RBL2: variants seen among roughly 807,000 people sequenced by gnomAD.
RBL2 encodes the protein retinoblastoma-like protein 2.
RBL2 carries 56 observed loss-of-function variants against 126.0 expected under a neutral mutation model. The observed-to-expected ratio is 0.44, with a 90% CI of 0.36 to 0.56. The LOEUF is 0.56. Among genes scored for constraint, RBL2 ranks in the 20% least tolerant of loss-of-function variants. The pLI is 0.00. For synonymous variants in RBL2, 454 were observed against 478.5 expected (o/e 0.95, Z 0.67); for missense variants, 1,229 against 1,398.2 (o/e 0.88, Z 1.93).
rs1961370071 is a variant in RBL2, at chr16:53,490,360, C to A, written c.*60C>A. The A allele has an allele frequency of 1.4e-6, 2 of 1,405,768 alleles. No homozygotes were observed. The allele number at this position is 1,405,768 out of a possible 1,614,324, so 87.1% of individuals were successfully genotyped here. ...TGTTTAGCAGCAGCCTTTAATGCAT[C>A]TAGATTATGGAGCTTTTTTCCTTAA... On this transcript the variant is annotated 3_prime_UTR_variant, in exon 22 of 22. Coordinates refer to ENST00000262133, the MANE Select transcript of RBL2 (RefSeq NM_005611.4).
intron 1 of RBL2, chr16:53,435,776 T>A (rs1331290489): frequency 7.9e-7 from 1 of 1,263,182 alleles, no homozygotes; most frequent in African/African-American, 1.5e-5. Context: ...TTTGGCTATG[T>A]GTACTGATGA....
intron 4 of RBL2, chr16:53,449,117 T>A (rs1024770256): frequency 6.6e-6 from 1 of 152,216 alleles, no homozygotes; most frequent in Non-Finnish European, 1.5e-5. Flanking sequence ...TTTTGGAGTA[T>A]ATAAACCATT....
chr16:53,445,097 T>C (rs2058049483), intron 3 of RBL2, among the ~76,000 whole-genome samples: 1 of 152,000 alleles, frequency 6.6e-6, no homozygotes, highest in Non-Finnish European at 1.5e-5. Flanking sequence ...GAGGCTGAAG[T>C]GGACAGATCA....
intron 13 of RBL2, 102 bp from the exon 14 acceptor site, chr16:53,466,956 G>T: frequency 1.3e-6 from 1 of 778,308 alleles, no homozygotes; most frequent in Non-Finnish European, 2.0e-6. Context: ...TTATTTAGAT[G>T]GAATAATTGT....
In RBL2 at chr16:53,480,970, CCAA is replaced by C. The variant is rs1156299252; in HGVS notation, c.3084+203_3084+205del. On this transcript the variant is annotated intron_variant, in intron 20 of 21. Transcript: ENST00000262133. ...GGTCAGGAGTTCAAGACCAGCCTGG[CCAA>C]CGTGGTAAAACCCAGTCTCTACTAA... The C allele has an allele frequency of 4.6e-5, 21 of 460,290 alleles. No homozygotes were observed. The East Asian group carries it at 8.0e-4, about 18-fold the overall frequency. 28.5% of individuals were successfully genotyped at this position (460,290 alleles called of 1,614,324 possible).
intron 21 of RBL2, chr16:53,489,502 CCA>C (rs1555570996): frequency 3.3e-5 from 5 of 152,100 alleles, no homozygotes; most frequent in Admixed American, 1.3e-4. Context: ...ACAGCCAGCC[CCA>C]GTCTTTCTGA....
rs1332553544 is a variant in RBL2 at position 53,470,797 on chromosome 16, A to G, written c.2578A>G (p.Ile860Val). ...RLRDLCAKLDISDELRKKIWT... is the reference protein window; with the variant it reads ...RLRDLCAKLDVSDELRKKIWT... The stretch of plus-strand genomic sequence containing the variant: ...TCGGGATCTCTGTGCCAAACTAGAT[A>G]TTTCAGATGAATTGAGGAAAAAAAT... The change falls in exon 17 of 22, where the codon ATT becomes GTT. Residue 860 changes from isoleucine to valine, a missense_variant. This residue lies in a region of RBL2 where 1,070 missense variants were observed against 1,274.3 expected (regional missense o/e 0.84). Transcript: ENST00000262133. 1 of 1,614,226 alleles carries G rather than the reference A, an allele frequency of 6.2e-7. No individual in the cohort carries two copies.
In RBL2 at chr16:53,444,328, G is replaced by A. The variant is rs190072864; in HGVS notation, c.572+1470G>A. On this transcript the variant is annotated intron_variant, in intron 3 of 21. Coordinates refer to ENST00000262133, the MANE Select transcript of RBL2 (RefSeq NM_005611.4). ...AGCACTTTGGGAGGCCAAGGCGGGTGGATCACTCTAGGTCGGGAGTTCGAG... is the reference window on the plus strand; with the variant it reads ...AGCACTTTGGGAGGCCAAGGCGGGTAGATCACTCTAGGTCGGGAGTTCGAG... 5.1e-3 allele frequency among the ~76,000 whole-genome samples: 767 copies of A among 151,506 alleles called. 4 individuals are homozygous for A. The highest frequency in any genetic ancestry group is 7.8e-3 in the Non-Finnish European group (533 of 67,902).
chr16:53,434,610 G>A lies in RBL2; in HGVS notation c.54G>A (p.Ala18=), dbSNP rs777831811. The stretch of plus-strand genomic sequence containing the variant: ...CGCCCCCGCCTCCCCCTCCGGCGGC[G>A]GCAGCCTCGGATGAGGAGGAGGAGG... ...SPPPPPPPPA[A]AASDEEEEDD... The change falls in exon 1 of 22, where the codon GCG becomes GCA. Residue 18 remains alanine (A), a synonymous_variant. Transcript: ENST00000262133. The A allele has an allele frequency of 5.8e-6, 9 of 1,550,680 alleles. No homozygotes were observed. In the East Asian group the frequency reaches 2.2e-4, roughly 37 times the overall value.
chr16:53,457,258 C>CTTTTTTTTT lies in RBL2; in HGVS notation c.1180-2182_1180-2174dup, dbSNP rs756763534. On this transcript the variant is annotated intron_variant, in intron 8 of 21. Coordinates refer to ENST00000262133, the MANE Select transcript of RBL2 (RefSeq NM_005611.4). ...GGGTCATCAGGGTGGGTACAGATAG[C>CTTTTTTTTT]TTTTTTTTTTTTTTTTTTTGAGATG... is the stretch of plus-strand genomic sequence containing the variant. Among the ~76,000 whole-genome samples the CTTTTTTTTT allele has an allele frequency of 2.4e-4, 22 of 89,930 alleles. 3 individuals carry two copies. The highest frequency in any genetic ancestry group is 1.0e-3 in the African/African-American group (17 of 16,718). 59.0% of individuals were successfully genotyped at this position (89,930 alleles called of 152,430 possible). A position where few individuals can be genotyped will look rare whatever the true frequency, so the allele number is the denominator to read the frequency against.
chr16:53,447,220 A>C lies in RBL2; in HGVS notation c.637+114A>C, dbSNP rs938466063. On this transcript the variant is annotated intron_variant, in intron 4 of 21. Coordinates refer to ENST00000262133, the MANE Select transcript of RBL2 (RefSeq NM_005611.4). ...AAAGATTTTCACTGAAAATTTTCTC[A>C]AGGGTTTTAATCCTAGATTCTTTTT... 9.4e-6 allele frequency: 5 copies of C among 534,000 alleles called. No homozygotes were observed. The Admixed American group carries it at 1.6e-4, about 17-fold the overall frequency. The allele number at this position is 534,000 out of a possible 1,614,324, so 33.1% of individuals were successfully genotyped here. A position where few individuals can be genotyped will look rare whatever the true frequency, so the allele number is the denominator to read the frequency against.
chr16:53,460,617 C>A (rs1336305183), intron 9 of RBL2, among the ~76,000 whole-genome samples: 1 of 152,066 alleles, frequency 6.6e-6, no homozygotes, highest in Admixed American at 6.6e-5. Flanking sequence ...CATTTTAAAT[C>A]TTAGGTACCA....
At chr16:53,490,042 A>G in intron 21 of RBL2, 88 bp from the exon 22 acceptor site, 1 of 1,045,958 alleles carries the variant, frequency 9.6e-7, no homozygotes, top group Non-Finnish European at 1.3e-6. Context: ...TCCAGGGTAA[A>G]CTGCTTAACT....
chr16:53,477,871 T>G (rs1418238901), intron 17 of RBL2, among the ~76,000 whole-genome samples: 1 of 152,206 alleles, frequency 6.6e-6, no homozygotes. Flanking sequence ...TATTTACGAT[T>G]ACATAATTAT....
chr16:53,473,211 T>C (rs950642894), intron 17 of RBL2, among the ~76,000 whole-genome samples: 1 of 152,190 alleles, frequency 6.6e-6, no homozygotes, highest in African/African-American at 2.4e-5. Context: ...AATCAAATTA[T>C]CAGTTTCACA....
At chr16:53,435,635 A>T in intron 1 of RBL2, 2 of 1,283,944 alleles carry the variant, frequency 1.6e-6, no homozygotes, top group East Asian at 5.6e-5. Context: ...CAGCTGTTTG[A>T]CTGTGTGTGT....
At chr16:53,470,704 A>G in intron 16 of RBL2, 41 bp downstream of exon 16, 1 of 1,612,498 alleles carries the variant, frequency 6.2e-7, no homozygotes, top group African/African-American at 1.3e-5. Context: ...AGCTTGGGAA[A>G]TACAAGTGTT....
intron 11 of RBL2, among the ~76,000 whole-genome samples, chr16:53,463,420 A>G (rs1033798005): frequency 1.3e-5 from 2 of 151,598 alleles, no homozygotes; most frequent in African/African-American, 4.9e-5. Context: ...TCTGCCTCCC[A>G]GATTCAAGTG....
intron 1 of RBL2, chr16:53,435,710 G>C (rs1449403726): frequency 7.8e-7 from 1 of 1,288,984 alleles, no homozygotes; most frequent in Non-Finnish European, 1.0e-6. Flanking sequence ...AGAAAGAGTC[G>C]GGCAAATAGG....
Sources: gnomAD v4.1 joint callset for allele counts (sites outside exome capture counted in the v4.1 genomes callset) on GRCh38, gnomAD v4.1.1 for gene constraint, gnomAD v4.1.1 regional missense constraint, MANE v1.5 for transcripts, NCBI Gene and HGNC (gene_info 2026-07-23, HGNC 2026-07-21) for gene names.